Variants in CYP20A1 observed in about 807,000 individuals in gnomAD.
CYP20A1 encodes cytochrome P450 family 20 subfamily A member 1, also known as cytochrome P450 20A1.
Under a neutral mutation model 61.4 loss-of-function variants are expected in CYP20A1, and 61 were observed. The observed-to-expected ratio is 0.99, with a 90% CI of 0.81 to 1.23. The LOEUF (loss-of-function observed/expected upper bound fraction) is 1.23, where lower values mean the gene tolerates loss of function less well. CYP20A1 is among the 50% of genes most tolerant of loss of function. The pLI is 0.00. For synonymous variants in CYP20A1, 193 were observed against 188.2 expected, an observed-to-expected ratio of 1.03 and a Z score of -0.21; for missense variants, 530 against 542.4, an observed-to-expected ratio of 0.98 and a Z score of 0.23.
intron 6 of CYP20A1, among the ~76,000 whole-genome samples, chr2:203,276,470 T>G (rs556367739): frequency 2.0e-5 from 3 of 151,460 alleles, no homozygotes; most frequent in African/African-American, 7.3e-5. Context: ...GCATGAGAGA[T>G]AATGTGGCTT....
In CYP20A1 at chr2:203,302,795, C is replaced by T. The variant is rs1166483794; in HGVS notation, c.*5887C>T. On this transcript the variant is annotated 3_prime_UTR_variant, in exon 13 of 13. Transcript: ENST00000356079. Reference sequence around the variant, plus strand: ...GCAACCTCTGCCTCCCAGGTTCAAGCGATTCTCTTGCCTCAGCCTTTTGAG... The same window carrying T: ...GCAACCTCTGCCTCCCAGGTTCAAGTGATTCTCTTGCCTCAGCCTTTTGAG... Among the ~76,000 whole-genome samples the T allele has an allele frequency of 2.6e-5, 4 of 151,920 alleles. No homozygotes were observed. Among genetic ancestry groups the T allele is most frequent in the South Asian group, 2.1e-4 (1 of 4,820 alleles).
intron 5 of CYP20A1, among the ~76,000 whole-genome samples, chr2:203,269,851 A>G (rs1375625091): frequency 1.3e-5 from 2 of 151,662 alleles, no homozygotes; most frequent in Non-Finnish European, 1.5e-5. Flanking sequence ...CTGGTCTCGA[A>G]CTCCTGACCT....
At chr2:203,265,622 A>G (rs1052362198) in intron 4 of CYP20A1, among the ~76,000 whole-genome samples, 11 of 152,252 alleles carry the variant, frequency 7.2e-5, no homozygotes, top group South Asian at 4.1e-4. Flanking sequence ...TTTTGATTCT[A>G]TCGTAAATCC....
intron 1 of CYP20A1, among the ~76,000 whole-genome samples, chr2:203,244,954 T>C (rs960553020): frequency 2.0e-5 from 3 of 150,226 alleles, no homozygotes; most frequent in African/African-American, 7.4e-5. Context: ...GGATGGTCTC[T>C]ATCTCCTGAC....
At chr2:203,252,969 T>A (rs539292294) in intron 4 of CYP20A1, among the ~76,000 whole-genome samples, 20 of 152,186 alleles carry the variant, frequency 1.3e-4, no homozygotes, top group African/African-American at 4.6e-4. Context: ...CGAGCCATTT[T>A]CGTCACCTCC....
In CYP20A1 at chr2:203,268,119, T is replaced by C. The variant is rs1441353506; in HGVS notation, c.600+1438T>C. Among the ~76,000 whole-genome samples, 5 of 152,306 alleles carry C rather than the reference T, an allele frequency of 3.3e-5. No homozygotes were observed. The East Asian group carries it at 9.7e-4, about 29-fold the overall frequency. On this transcript the variant is annotated intron_variant, in intron 5 of 12. Transcript: ENST00000356079. ...ATCTTTATCTATCCATCTATCTATCTATCCATCCATTCCTCCCCCTTTCCT... is the reference window on the plus strand; with the variant it reads ...ATCTTTATCTATCCATCTATCTATCCATCCATCCATTCCTCCCCCTTTCCT...
At chr2:203,266,752 A>G (rs2067339568) in intron 5 of CYP20A1, 71 bp downstream of exon 5, 1 of 1,311,394 alleles carries the variant, frequency 7.6e-7, no homozygotes, top group East Asian at 2.3e-5. Flanking sequence ...TAATCCCAGC[A>G]CTTTGGGAGG....
chr2:203,258,550 C>G (rs1028512059), intron 4 of CYP20A1, among the ~76,000 whole-genome samples: 1 of 152,184 alleles, frequency 6.6e-6, no homozygotes, highest in African/African-American at 2.4e-5. Flanking sequence ...CACACTTCTG[C>G]TTCTAAAAAC....
chr2:203,239,772 G>GCCT (rs1313849425), intron 1 of CYP20A1, among the ~76,000 whole-genome samples: 1 of 152,172 alleles, frequency 6.6e-6, no homozygotes, highest in Non-Finnish European at 1.5e-5. Context: ...CTCTCCACTT[G>GCCT]CCTCCGTCAG....
chr2:203,289,462 T>G (rs1354551257), intron 9 of CYP20A1, among the ~76,000 whole-genome samples: 1 of 152,064 alleles, frequency 6.6e-6, no homozygotes, highest in Non-Finnish European at 1.5e-5. Context: ...TGTAGAAACA[T>G]TATTTTGAGT....
chr2:203,296,932 GTTAAATTGA>G lies in CYP20A1; in HGVS notation c.*27_*35del, dbSNP rs1434961324. On this transcript the variant is annotated 3_prime_UTR_variant, in exon 13 of 13. Transcript: ENST00000356079. ...AAAATTTTATACATTTAAAATCATTGTTAAATTGATTGAGGAAAACAACCATTTAAAAAA... is the reference window on the plus strand; with the variant it reads ...AAAATTTTATACATTTAAAATCATTGTTGAGGAAAACAACCATTTAAAAAA... The G allele has an allele frequency of 1.5e-6, 2 of 1,344,894 alleles. No homozygotes were observed. The highest frequency in any genetic ancestry group is 2.7e-5 in the South Asian group (2 of 74,048). The allele number at this position is 1,344,894 out of a possible 1,614,324, so 83.3% of individuals were successfully genotyped here.
chr2:203,300,592 T>TA lies in CYP20A1; in HGVS notation c.*3690dup, dbSNP rs2068979462. Among the ~76,000 whole-genome samples the TA allele has an allele frequency of 6.6e-6, 1 of 152,100 alleles. No homozygotes were observed. Among genetic ancestry groups the TA allele is most frequent in the Non-Finnish European group, 1.5e-5 (1 of 68,016 alleles). ...TTTTGATAGTTCAGAAGTGTATTGT[T>TA]AAAAAACATAAGCATGGCCGGGCAC... On this transcript the variant is annotated 3_prime_UTR_variant, in exon 13 of 13. Coordinates refer to ENST00000356079, the MANE Select transcript of CYP20A1 (RefSeq NM_177538.3).
rs1201956585 is a variant in CYP20A1 at position 203,301,034 on chromosome 2, T to C, written c.*4126T>C. 2.6e-5 allele frequency among the ~76,000 whole-genome samples: 4 copies of C among 151,298 alleles called. No homozygotes were observed. Among genetic ancestry groups the C allele is most frequent in the Non-Finnish European group, 5.9e-5 (4 of 67,850 alleles). On this transcript the variant is annotated 3_prime_UTR_variant, in exon 13 of 13. Coordinates refer to ENST00000356079, the MANE Select transcript of CYP20A1 (RefSeq NM_177538.3). ...CAACATGGAGAAACTTCATCTCTAC[T>C]AAAAATACAAAATTAGCCGGGCGTG... is the stretch of plus-strand genomic sequence containing the variant.
chr2:203,272,608 T>G (rs1249668620), intron 5 of CYP20A1, 62 bp from the exon 6 acceptor site: 10 of 906,800 alleles, frequency 1.1e-5, no homozygotes, highest in Non-Finnish European at 1.5e-5. Context: ...GTTACATTGC[T>G]CTGTATTATT....
intron 3 of CYP20A1, among the ~76,000 whole-genome samples, chr2:203,250,817 C>T (rs779836823): frequency 1.1e-4 from 17 of 152,144 alleles, no homozygotes; most frequent in African/African-American, 1.9e-4. Flanking sequence ...GTAATCCCAG[C>T]GCTTTGGGAG....
At chr2:203,266,425 G>A in intron 4 of CYP20A1, 89 bp from the exon 5 acceptor site, 1 of 1,179,054 alleles carries the variant, frequency 8.5e-7, no homozygotes, top group Non-Finnish European at 1.2e-6. Flanking sequence ...GAGTTTAACT[G>A]TTTGCCATTA....
rs575058733 is a variant in CYP20A1 at position 203,293,214 on chromosome 2, C to CTTTTTTTTTTTTTTTTTTTTTT, written c.1148+889_1148+890insTTTTTTTTTTTTTTTTTTTTTT. On this transcript the variant is annotated intron_variant, in intron 11 of 12. Coordinates refer to ENST00000356079, the MANE Select transcript of CYP20A1 (RefSeq NM_177538.3). ...ATTTTTAAAAAAGCAGAATTTCTCTCTCTTTTTTTTTTTTTTTTTGAGATG... is the reference window on the plus strand; with the variant it reads ...ATTTTTAAAAAAGCAGAATTTCTCTCTTTTTTTTTTTTTTTTTTTTTTTCTTTTTTTTTTTTTTTTTGAGATG... Among the ~76,000 whole-genome samples the CTTTTTTTTTTTTTTTTTTTTTT allele has an allele frequency of 2.3e-5, 3 of 128,910 alleles. 1 individual carries two copies. 84.6% of individuals were successfully genotyped at this position (128,910 alleles called of 152,430 possible). A position where few individuals can be genotyped will look rare whatever the true frequency, so the allele number is the denominator to read the frequency against.
At chr2:203,247,750 G>T in intron 3 of CYP20A1, among the ~76,000 whole-genome samples, 1 of 152,002 alleles carries the variant, frequency 6.6e-6, no homozygotes, top group East Asian at 1.9e-4. Flanking sequence ...CCAGCTACTC[G>T]GGAGGCTGAG....
chr2:203,305,350 G>T lies in CYP20A1; in HGVS notation c.*8442G>T, dbSNP rs1045688687. 4.0e-5 allele frequency: 6 copies of T among 151,510 alleles called. No homozygotes were observed. Among genetic ancestry groups the T allele is most frequent in the Admixed American group, 1.3e-4 (2 of 15,164 alleles). 9.4% of individuals were successfully genotyped at this position (151,510 alleles called of 1,614,324 possible). On this transcript the variant is annotated 3_prime_UTR_variant, in exon 13 of 13. Transcript: ENST00000356079. Reference sequence around the variant, plus strand: ...CGAGTAGCTGGGACTACAGTCGCACGCCAACCACCCCCAGCTAATTTTTTT... The same window carrying T: ...CGAGTAGCTGGGACTACAGTCGCACTCCAACCACCCCCAGCTAATTTTTTT...
Sources: allele counts gnomAD v4.1 joint callset (sites outside exome capture counted in the v4.1 genomes callset), GRCh38; gene constraint gnomAD v4.1.1; transcripts MANE v1.5; gene names NCBI Gene and HGNC (gene_info 2026-07-23, HGNC 2026-07-21).